Variants in MMRN1 observed in about 807,000 individuals in gnomAD.
MMRN1 encodes multimerin 1.
Under a neutral mutation model 100.7 loss-of-function variants are expected in MMRN1, and 94 were observed. The ratio of observed to expected loss-of-function variants is 0.93; its 90% CI spans 0.79 to 1.11. MMRN1 has a LOEUF of 1.11. MMRN1 is among the 50% of genes least tolerant of loss of function. MMRN1 has a pLI of 0.00. For synonymous variants in MMRN1, 575 were observed against 505.0 expected, an observed-to-expected ratio of 1.14 and a Z score of -1.86; for missense variants, 1,606 against 1,439.1, an observed-to-expected ratio of 1.12 and a Z score of -1.88.
At chr4:89,889,867 A>G (rs1721012824), upstream of MMRN1, among the ~76,000 whole-genome samples, 1 of 152,086 alleles carries the variant, frequency 6.6e-6, no homozygotes, top group Non-Finnish European at 1.5e-5. Flanking sequence ...AATCTCTAGT[A>G]CATTCTCATT....
Position 89,942,789 on chromosome 4 carries a change from T to C in MMRN1, c.3118+5991T>C, listed in dbSNP as rs189868568. On this transcript the variant is annotated intron_variant, in intron 6 of 7. Coordinates refer to ENST00000264790, the MANE Select transcript of MMRN1 (RefSeq NM_007351.3). ...CACAGTGTTTGGAGAAATAAAGCAA[T>C]CAATGAAAAAAAATGATCGCATGTT... Among the ~76,000 whole-genome samples, 329 of 152,044 alleles carry C rather than the reference T, an allele frequency of 2.2e-3. 5 individuals are homozygous for C. Among genetic ancestry groups the C allele is most frequent in the Middle Eastern group, 0.014 (4 of 294 alleles).
chr4:89,948,300 A>G (rs982924978), intron 6 of MMRN1, among the ~76,000 whole-genome samples: 3 of 152,110 alleles, frequency 2.0e-5, no homozygotes, highest in African/African-American at 7.2e-5. Flanking sequence ...ATTTTTATCG[A>G]TAACTTGGAG....
At chr4:89,933,057 G>A (rs1722492514) in intron 5 of MMRN1, among the ~76,000 whole-genome samples, 1 of 152,064 alleles carries the variant, frequency 6.6e-6, no homozygotes, top group Non-Finnish European at 1.5e-5. Flanking sequence ...AAAACTGAAT[G>A]CTTTTAAGAG....
At chr4:89,932,859 T>C (rs1302273393) in intron 5 of MMRN1, among the ~76,000 whole-genome samples, 1 of 152,222 alleles carries the variant, frequency 6.6e-6, no homozygotes, top group Admixed American at 6.5e-5. Flanking sequence ...TTCTCCATTG[T>C]CTTGGCAGTT....
At chr4:89,933,297 A>G (rs1722499653) in intron 5 of MMRN1, among the ~76,000 whole-genome samples, 2 of 152,116 alleles carry the variant, frequency 1.3e-5, no homozygotes, top group Admixed American at 1.3e-4. Context: ...CCATTTGACA[A>G]GTCTCCAGGA....
At chr4:89,897,792 T>A (rs941721907) in intron 1 of MMRN1, among the ~76,000 whole-genome samples, 3 of 152,120 alleles carry the variant, frequency 2.0e-5, no homozygotes, top group African/African-American at 4.8e-5. Flanking sequence ...TTTAAAAAAA[T>A]AATAATAATT....
At chr4:89,931,677 T>C (rs557700109) in intron 5 of MMRN1, among the ~76,000 whole-genome samples, 42 of 152,260 alleles carry the variant, frequency 2.8e-4, no homozygotes, top group Middle Eastern at 3.4e-3. Flanking sequence ...TCTTACATGG[T>C]GGCAGGCAAG....
intron 6 of MMRN1, among the ~76,000 whole-genome samples, chr4:89,938,546 A>G (rs1299233921): frequency 1.4e-5 from 2 of 147,414 alleles, no homozygotes; most frequent in Non-Finnish European, 3.0e-5. Context: ...CATAGTAAGT[A>G]TAAAATTGAA....
intron 3 of MMRN1, among the ~76,000 whole-genome samples, chr4:89,920,581 T>G (rs1722056935): frequency 2.0e-5 from 3 of 152,176 alleles, no homozygotes; most frequent in Admixed American, 2.0e-4. Flanking sequence ...TTTTCATTTC[T>G]TAAACTTTAT....
At chr4:89,929,032 C>T (rs934173753) in intron 5 of MMRN1, among the ~76,000 whole-genome samples, 1 of 152,016 alleles carries the variant, frequency 6.6e-6, no homozygotes, top group Non-Finnish European at 1.5e-5. Context: ...CTAAGGGGAC[C>T]AGGGAAAGCG....
At chr4:89,944,066 T>A (rs1274772611) in intron 6 of MMRN1, among the ~76,000 whole-genome samples, 4 of 152,194 alleles carry the variant, frequency 2.6e-5, no homozygotes, top group African/African-American at 9.6e-5. Context: ...GATATTTTGG[T>A]ATGTGCATAA....
chr4:89,939,714 C>A (rs1722763842), intron 6 of MMRN1, among the ~76,000 whole-genome samples: 1 of 152,128 alleles, frequency 6.6e-6, no homozygotes, highest in African/African-American at 2.4e-5. Context: ...CCTTTCTCTT[C>A]TTTCTGTTTC....
chr4:89,886,786 A>T (rs1186737940), intron 1 of MMRN1, among the ~76,000 whole-genome samples: 1 of 152,150 alleles, frequency 6.6e-6, no homozygotes, highest in Non-Finnish European at 1.5e-5. Flanking sequence ...ACAACATACA[A>T]TGTTTAATTA....
At chr4:89,894,677 T>C (rs1721130960), upstream of MMRN1, 1 of 251,114 alleles carries the variant, frequency 4.0e-6, no homozygotes, top group African/African-American at 2.2e-5. Context: ...TATTTTTTCA[T>C]GGGTTTTCCT....
Position 89,951,750 on chromosome 4 carries a change from A to G in MMRN1, c.3264A>G (p.Pro1088=). ...TTGTGGAAGAAAATGCTTTAGCTCCAGGTAAAAAAAAAGTATACGCATCTT... is the reference window on the plus strand; with the variant it reads ...TTGTGGAAGAAAATGCTTTAGCTCCGGGTAAAAAAAAAGTATACGCATCTT... ...IKLVEENALA[P]DFSKGSYRYA... Residue 1088 remains proline, a splice_region_variant and synonymous_variant, in exon 7 of 8, where the codon CCA becomes CCG. Transcript: ENST00000264790. 1 of 1,611,982 alleles carries G rather than the reference A, an allele frequency of 6.2e-7. No homozygotes were observed. Among genetic ancestry groups the G allele is most frequent in the Non-Finnish European group, 8.5e-7 (1 of 1,179,174 alleles).
At chr4:89,882,525 A>AT (rs891950643) in intron 1 of MMRN1, among the ~76,000 whole-genome samples, 3 of 151,668 alleles carry the variant, frequency 2.0e-5, no homozygotes, top group Non-Finnish European at 4.4e-5. Flanking sequence ...GCTCTTTTGC[A>AT]TTTTTTTCCT....
At chr4:89,938,972 T>G (rs59345481) in intron 6 of MMRN1, among the ~76,000 whole-genome samples, 35,830 of 151,894 alleles carry the variant, frequency 0.24, 7,370 homozygotes, top group African/African-American at 0.55. Flanking sequence ...TTTTAAGTGG[T>G]TGCATAGGTT....
chr4:89,883,165 T>A (rs11941682), intron 1 of MMRN1, among the ~76,000 whole-genome samples: 2 of 151,784 alleles, frequency 1.3e-5, no homozygotes, highest in Admixed American at 6.6e-5. Context: ...TTATATCTTC[T>A]TCTCTTGATA....
chr4:89,939,769 T>G (rs1368540531), intron 6 of MMRN1, among the ~76,000 whole-genome samples: 1 of 152,202 alleles, frequency 6.6e-6, no homozygotes. Flanking sequence ...TATCTGAATA[T>G]TCCATATGGC....
Sources: allele counts gnomAD v4.1 joint callset (sites outside exome capture counted in the v4.1 genomes callset), GRCh38; gene constraint gnomAD v4.1.1; transcripts MANE v1.5; gene names NCBI Gene and HGNC (gene_info 2026-07-23, HGNC 2026-07-21).